The following SND1 variants were observed in gnomAD, a reference collection of about 807,000 sequenced individuals.
SND1 encodes the protein staphylococcal nuclease domain-containing protein 1.
A neutral mutation model predicts 121.7 loss-of-function variants in SND1; 38 were observed. The ratio of observed to expected loss-of-function variants is 0.31; its 90% CI spans 0.24 to 0.41. The LOEUF (loss-of-function observed/expected upper bound fraction) is 0.41, where lower values mean the gene tolerates loss of function less well. Ranked by LOEUF, SND1 falls within the 10% of genes least tolerant of loss-of-function variation. The pLI, the probability that SND1 is intolerant of heterozygous loss-of-function variation, is 1.00. For synonymous variants in SND1, 401 were observed against 447.4 expected, an observed-to-expected ratio of 0.90 and a Z score of 1.31; for missense variants, 868 against 1,184.6, an observed-to-expected ratio of 0.73 and a Z score of 3.92.
intron 15 of SND1, among the ~76,000 whole-genome samples, 179 bp from the exon 16 acceptor site, chr7:127,990,768 C>G (rs1345840591): frequency 6.6e-6 from 1 of 152,170 alleles, no homozygotes; most frequent in Non-Finnish European, 1.5e-5. Context: ...TTTTTTCCAC[C>G]TGGAGAGAAC....
chr7:128,077,742 G>A (rs546597352), intron 17 of SND1, among the ~76,000 whole-genome samples: 3 of 152,344 alleles, frequency 2.0e-5, no homozygotes, highest in East Asian at 3.9e-4. Flanking sequence ...GAGAAGGGCA[G>A]ACTGTCCTGT....
At chr7:127,772,722 G>A (rs1395573901) in intron 10 of SND1, among the ~76,000 whole-genome samples, 1 of 151,714 alleles carries the variant, frequency 6.6e-6, no homozygotes, top group Non-Finnish European at 1.5e-5. Flanking sequence ...AATTACCAAG[G>A]AGTATTCTAA....
chr7:127,799,456 A>G (rs1279186767), intron 10 of SND1, among the ~76,000 whole-genome samples: 2 of 152,228 alleles, frequency 1.3e-5, no homozygotes, highest in Non-Finnish European at 2.9e-5. Context: ...CTTTTCACAC[A>G]TGCTAATAGG....
intron 9 of SND1, among the ~76,000 whole-genome samples, chr7:127,710,021 T>C (rs1796271239): frequency 6.6e-6 from 1 of 151,920 alleles, no homozygotes; most frequent in Non-Finnish European, 1.5e-5. Flanking sequence ...TTGATCATAG[T>C]GTCTGTCTCA....
intron 13 of SND1, among the ~76,000 whole-genome samples, chr7:127,899,362 A>C (rs1800182991): frequency 6.6e-6 from 1 of 152,064 alleles, no homozygotes; most frequent in African/African-American, 2.4e-5. Context: ...TGTTCTCCCA[A>C]CTATTTTACG....
At chr7:127,927,072 G>A (rs182677104) in intron 14 of SND1, among the ~76,000 whole-genome samples, 3 of 152,190 alleles carry the variant, frequency 2.0e-5, no homozygotes, top group Admixed American at 6.5e-5. Flanking sequence ...TCCCTTTGAG[G>A]CTCCTTGATT....
chr7:127,703,218 T>C lies in SND1; in HGVS notation c.735T>C (p.Ala245=). 1 of 1,614,158 alleles carries C rather than the reference T, an allele frequency of 6.2e-7. No homozygotes were observed. Among genetic ancestry groups the C allele is most frequent in the South Asian group, 1.1e-5 (1 of 91,088 alleles). ...ADGSETPEPF[A]AEAKFFTESR... The stretch of plus-strand genomic sequence containing the variant: ...GCAGTGAAACTCCAGAGCCTTTTGC[T>C]GCAGAAGCCAAATTTTTCACTGAGT... The change falls in exon 7 of 24, where the codon GCT becomes GCC. Residue 245 remains alanine (A), a synonymous_variant. Coordinates refer to ENST00000354725, the MANE Select transcript of SND1 (RefSeq NM_014390.4).
intron 11 of SND1, among the ~76,000 whole-genome samples, chr7:127,825,411 CT>C (rs746245449): frequency 2.5e-3 from 344 of 138,828 alleles, no homozygotes; most frequent in South Asian, 8.2e-3. Context: ...TCCTGGCCAC[CT>C]TTTTTTTTTT....
At chr7:127,942,461 A>G (rs570258517) in intron 15 of SND1, among the ~76,000 whole-genome samples, 125 of 152,294 alleles carry the variant, frequency 8.2e-4, no homozygotes, top group African/African-American at 2.8e-3. Context: ...GTCATAGATC[A>G]TGGATCTGTG....
intron 13 of SND1, among the ~76,000 whole-genome samples, chr7:127,894,228 T>C (rs978062693): frequency 3.9e-5 from 6 of 152,096 alleles, no homozygotes; most frequent in African/African-American, 7.2e-5. Flanking sequence ...CTTGTAAATA[T>C]ATTTTGCAAT....
chr7:127,712,525 C>T (rs1303061955), intron 9 of SND1, among the ~76,000 whole-genome samples: 4 of 152,114 alleles, frequency 2.6e-5, no homozygotes, highest in Admixed American at 2.6e-4. Flanking sequence ...ATTTTTGGTC[C>T]CATTTTCATT....
chr7:127,918,250 G>A (rs1388072065), intron 14 of SND1, among the ~76,000 whole-genome samples: 2 of 151,056 alleles, frequency 1.3e-5, no homozygotes, highest in African/African-American at 4.9e-5. Flanking sequence ...TTTTTCAGTA[G>A]AGAAGGGCTT....
chr7:127,952,329 G>C (rs1168831915), intron 15 of SND1, among the ~76,000 whole-genome samples: 3 of 152,176 alleles, frequency 2.0e-5, no homozygotes, highest in Non-Finnish European at 4.4e-5. Flanking sequence ...TGGCACCAAT[G>C]TGCATTTCCG....
chr7:127,710,249 T>A (rs1304923398), intron 9 of SND1, among the ~76,000 whole-genome samples: 2 of 152,194 alleles, frequency 1.3e-5, no homozygotes, highest in Non-Finnish European at 1.5e-5. Context: ...TGTGCTATAA[T>A]GGCAGAGGTG....
intron 16 of SND1, among the ~76,000 whole-genome samples, chr7:128,001,774 A>G (rs1037331825): frequency 2.0e-5 from 3 of 152,216 alleles, no homozygotes; most frequent in African/African-American, 7.2e-5. Context: ...TCTACTAAAA[A>G]TACAAAATCA....
At chr7:128,083,799 G>C (rs935672242) in intron 18 of SND1, among the ~76,000 whole-genome samples, 6 of 152,136 alleles carry the variant, frequency 3.9e-5, no homozygotes, top group African/African-American at 1.4e-4. Context: ...GAGACGCAAG[G>C]GGCAAAAAAG....
chr7:128,034,989 G>A (rs1192392778), intron 16 of SND1, among the ~76,000 whole-genome samples: 2 of 152,234 alleles, frequency 1.3e-5, no homozygotes, highest in African/African-American at 2.4e-5. Context: ...TACACCCTAA[G>A]AGGAAGAGAC....
In SND1 at chr7:128,084,773, TCACCC is replaced by T; in HGVS notation, c.2162_2166del (p.His721ProfsTer43). 1 of 1,610,898 alleles carries T rather than the reference TCACCC, an allele frequency of 6.2e-7. No individual in the cohort carries two copies. Among genetic ancestry groups the T allele is most frequent in the Non-Finnish European group, 8.5e-7 (1 of 1,177,978 alleles). ...AGAACATGCGCAATGACATTGCCAG[TCACCC>T]CCCTGTAGAGGGCTCCTATGCCCCC... On this transcript the variant is annotated frameshift_variant, in exon 19 of 24. Coordinates refer to ENST00000354725, the MANE Select transcript of SND1 (RefSeq NM_014390.4). LOFTEE classifies it high-confidence loss of function.
chr7:128,020,953 G>A (rs1202687087), intron 16 of SND1, among the ~76,000 whole-genome samples: 1 of 152,104 alleles, frequency 6.6e-6, no homozygotes, highest in Admixed American at 6.5e-5. Context: ...GCACAGTCTT[G>A]TCCTGTCCCT....
Sources: allele counts gnomAD v4.1 joint callset (sites outside exome capture counted in the v4.1 genomes callset), GRCh38; gene constraint gnomAD v4.1.1; transcripts MANE v1.5; gene names NCBI Gene and HGNC (gene_info 2026-07-23, HGNC 2026-07-21).